CELF2: variants seen among roughly 807,000 people sequenced by gnomAD.
The protein encoded by CELF2 is CUGBP Elav-like family member 2, also known as CUG triplet repeat RNA-binding protein 2.
Under a neutral mutation model 62.6 loss-of-function variants are expected in CELF2, and 8 were observed. That is an observed-to-expected ratio of 0.13 (90% CI 0.07 to 0.23). CELF2 has a LOEUF of 0.23. Ranked by LOEUF, CELF2 falls within the 10% of genes least tolerant of loss-of-function variation. The pLI is 1.00. For synonymous variants in CELF2, 258 were observed against 250.0 expected (o/e 1.03, Z -0.30); for missense variants, 333 against 671.0 (o/e 0.50, Z 5.56).
chr10:10,909,394 G>A (rs1249705288), intron 1 of CELF2, among the ~76,000 whole-genome samples: 1 of 152,166 alleles, frequency 6.6e-6, no homozygotes, highest in African/African-American at 2.4e-5. Context: ...AAGTCCAGGG[G>A]CTAGGGTATC....
intron 1 of CELF2, among the ~76,000 whole-genome samples, chr10:10,847,615 C>G (rs1160370569): frequency 6.6e-6 from 1 of 152,192 alleles, no homozygotes; most frequent in Non-Finnish European, 1.5e-5. Context: ...TGCAGAATGA[C>G]TTTCAATAGC....
chr10:10,780,312 G>T, the CELF2 span, among the ~76,000 whole-genome samples: 6 of 152,066 alleles, frequency 3.9e-5, no homozygotes, highest in Non-Finnish European at 7.4e-5. Flanking sequence ...AAGAATTAAT[G>T]ATTCCTGGAG....
At chr10:11,317,156 G>A (rs1024132620) in intron 10 of CELF2, 1 of 147,432 alleles carries the variant, frequency 6.8e-6, no homozygotes, top group Non-Finnish European at 1.5e-5. Context: ...TTACCATATA[G>A]TGCTTAAAAT....
chr10:10,612,623 A>G, the CELF2 span, among the ~76,000 whole-genome samples: 32 of 152,174 alleles, frequency 2.1e-4, 1 homozygote, highest in Admixed American at 1.9e-3. Context: ...AAGCCTCTCA[A>G]TTTCTCCAGG....
the CELF2 span, among the ~76,000 whole-genome samples, chr10:10,626,967 A>G: frequency 6.6e-6 from 1 of 152,216 alleles, no homozygotes. Context: ...AAATAAGGAC[A>G]CATTGTCGGA....
intron 1 of CELF2, among the ~76,000 whole-genome samples, chr10:11,116,904 G>A (rs528540399): frequency 3.3e-5 from 5 of 152,118 alleles, no homozygotes; most frequent in African/African-American, 7.2e-5. Context: ...TATTTTGAAC[G>A]GCTTACAGAT....
chr10:11,056,964 G>T (rs1401814426), intron 1 of CELF2, among the ~76,000 whole-genome samples: 1 of 152,196 alleles, frequency 6.6e-6, no homozygotes, highest in Admixed American at 6.5e-5. Flanking sequence ...TGCTTCTGGG[G>T]GAGGGGTGAG....
chr10:10,790,188 T>G, the CELF2 span, among the ~76,000 whole-genome samples: 1 of 152,140 alleles, frequency 6.6e-6, no homozygotes, highest in Non-Finnish European at 1.5e-5. Context: ...ATTTCTCTGT[T>G]AGGGTTTTTT....
intron 3 of CELF2, among the ~76,000 whole-genome samples, chr10:11,234,609 G>A (rs1207992690): frequency 6.6e-6 from 1 of 151,486 alleles, no homozygotes; most frequent in East Asian, 1.9e-4. Flanking sequence ...GTGAACCCGG[G>A]GGGCGGAGCC....
At chr10:10,672,504 T>C in the CELF2 span, among the ~76,000 whole-genome samples, 11 of 145,772 alleles carry the variant, frequency 7.5e-5, no homozygotes, top group Admixed American at 2.7e-4. Context: ...TTTTTTTTTT[T>C]AATTGCATAT....
chr10:11,122,289 C>T (rs2057912480), intron 1 of CELF2, among the ~76,000 whole-genome samples: 3 of 152,160 alleles, frequency 2.0e-5, no homozygotes, highest in Admixed American at 2.0e-4. Flanking sequence ...GCTTTGCAAC[C>T]TCATGCACTT....
the CELF2 span, among the ~76,000 whole-genome samples, chr10:10,645,185 T>C: frequency 1.3e-5 from 2 of 152,092 alleles, no homozygotes; most frequent in East Asian, 3.9e-4. Context: ...TCCCCCCTTG[T>C]TGAGTTCTGT....
At chr10:10,919,721 A>T (rs1246259001) in intron 1 of CELF2, among the ~76,000 whole-genome samples, 1 of 152,202 alleles carries the variant, frequency 6.6e-6, no homozygotes, top group African/African-American at 2.4e-5. Flanking sequence ...ATTGTATTCA[A>T]CCACCAGAAA....
chr10:10,548,151 C>T, the CELF2 span, among the ~76,000 whole-genome samples: 3 of 152,172 alleles, frequency 2.0e-5, no homozygotes, highest in African/African-American at 4.8e-5. Flanking sequence ...ATGGACACAT[C>T]GTTTAATCTT....
At chr10:10,914,816 T>C (rs1047952228) in intron 1 of CELF2, among the ~76,000 whole-genome samples, 2 of 152,186 alleles carry the variant, frequency 1.3e-5, no homozygotes, top group Non-Finnish European at 2.9e-5. Flanking sequence ...GTTGTTTGCA[T>C]CCTTGTTTTC....
the CELF2 span, among the ~76,000 whole-genome samples, chr10:10,719,742 G>C: frequency 5.8e-3 from 887 of 152,186 alleles, 14 homozygotes; most frequent in African/African-American, 0.02. Flanking sequence ...TGTAGAGTAG[G>C]AATAAAAATG....
the CELF2 span, among the ~76,000 whole-genome samples, chr10:10,753,446 CATT>C: frequency 6.6e-6 from 1 of 152,052 alleles, no homozygotes; most frequent in Non-Finnish European, 1.5e-5. Flanking sequence ...AGCATTCCAC[CATT>C]ACTTCCAATC....
the CELF2 span, among the ~76,000 whole-genome samples, chr10:10,607,526 C>G: frequency 3.3e-5 from 5 of 152,098 alleles, no homozygotes; most frequent in African/African-American, 4.8e-5. Flanking sequence ...TCCCCCAAAA[C>G]ACAATGGTAT....
rs2090778250 is a variant in CELF2 at position 11,285,118 on chromosome 10, A to G, written c.842-3300A>G. ...GATGGGTGGGTGGGTGGATGGGCGG[A>G]TGATGGATATATGGATGGATGGTTG... On this transcript the variant is annotated intron_variant, in intron 8 of 12. Coordinates refer to ENST00000633077, the MANE Select transcript of CELF2 (RefSeq NM_001326342.2). The surrounding 1 kb of genome is among the most constrained non-coding windows in gnomAD (Gnocchi z 4.3). Among the ~76,000 whole-genome samples, 1 of 151,380 alleles carries G rather than the reference A, an allele frequency of 6.6e-6. No individual in the cohort carries two copies.
Sources: gnomAD v4.1 joint callset for allele counts (sites outside exome capture counted in the v4.1 genomes callset) on GRCh38, gnomAD v4.1.1 for gene constraint, Gnocchi (gnomAD v3.1) non-coding constraint, MANE v1.5 for transcripts, NCBI Gene and HGNC (gene_info 2026-07-23, HGNC 2026-07-21) for gene names.